POU6F2: variants seen among roughly 807,000 people sequenced by gnomAD.
The protein encoded by POU6F2 is POU domain, class 6, transcription factor 2.
A neutral mutation model predicts 71.3 loss-of-function variants in POU6F2; 31 were observed. The observed-to-expected ratio is 0.43, with a 90% CI of 0.33 to 0.59. The LOEUF is 0.59. Ranked by LOEUF, POU6F2 falls within the 20% of genes least tolerant of loss-of-function variation. POU6F2 has a pLI of 0.04. For synonymous variants in POU6F2, 347 were observed against 355.7 expected (o/e 0.98, Z 0.27); for missense variants, 783 against 856.8 (o/e 0.91, Z 1.07).
Position 39,261,090 on chromosome 7 carries a change from CA to C in POU6F2, c.598+53471del, listed in dbSNP as rs1184188870. 1.7e-3 allele frequency among the ~76,000 whole-genome samples: 258 copies of C among 151,790 alleles called. 1 individual carries two copies. The highest frequency in any genetic ancestry group is 5.1e-3 in the African/African-American group (211 of 41,354). On this transcript the variant is annotated intron_variant, in intron 4 of 9. Transcript: ENST00000518318. ...GCACACACACACACACACACACACA[CA>C]CCCCACGCCACAGATCTGTCTCCTG... is the stretch of plus-strand genomic sequence containing the variant.
intron 1 of POU6F2, chr7:39,006,940 A>G (rs1205316837): frequency 6.9e-7 from 1 of 1,449,976 alleles, no homozygotes; most frequent in African/African-American, 1.4e-5. Flanking sequence ...AGTTTATTGT[A>G]TAAAATCGGA....
At chr7:39,186,849 G>GC (rs956071316) in intron 2 of POU6F2, among the ~76,000 whole-genome samples, 51 of 152,162 alleles carry the variant, frequency 3.4e-4, no homozygotes, top group African/African-American at 1.1e-3. Context: ...GCTCTACCCT[G>GC]CCCCCAGGCA....
chr7:39,318,098 T>C (rs1409537651), intron 4 of POU6F2, among the ~76,000 whole-genome samples: 1 of 152,184 alleles, frequency 6.6e-6, no homozygotes, highest in African/African-American at 2.4e-5. Context: ...GGTTTGTAAA[T>C]ACTTCCAAAG....
intron 4 of POU6F2, among the ~76,000 whole-genome samples, chr7:39,288,095 T>TA (rs1249807850): frequency 2.0e-5 from 3 of 152,212 alleles, no homozygotes; most frequent in Non-Finnish European, 2.9e-5. Context: ...TTTTAAACAC[T>TA]AAAAAATAAT....
chr7:39,143,709 G>A (rs1374172407), intron 2 of POU6F2, among the ~76,000 whole-genome samples: 1 of 152,128 alleles, frequency 6.6e-6, no homozygotes, highest in Non-Finnish European at 1.5e-5. Context: ...GCAAGTTTGG[G>A]CCCATTGCAG....
intron 6 of POU6F2, among the ~76,000 whole-genome samples, chr7:39,418,689 C>CAA (rs1432505687): frequency 1.7e-5 from 2 of 119,184 alleles, no homozygotes; most frequent in South Asian, 2.6e-4. Context: ...GACTCTGTCT[C>CAA]AAAAAAAAAA....
chr7:39,356,710 G>C (rs1786268168), intron 5 of POU6F2, among the ~76,000 whole-genome samples: 1 of 152,134 alleles, frequency 6.6e-6, no homozygotes, highest in Non-Finnish European at 1.5e-5. Context: ...AAAATTTCTT[G>C]ACGAAGATAA....
intron 2 of POU6F2, among the ~76,000 whole-genome samples, chr7:39,114,223 G>A (rs945230066): frequency 3.9e-5 from 6 of 152,130 alleles, no homozygotes; most frequent in African/African-American, 1.4e-4. Context: ...ATTGTTAACA[G>A]CCATGTGATG....
intron 8 of POU6F2, among the ~76,000 whole-genome samples, chr7:39,457,335 G>A (rs554119056): frequency 2.6e-5 from 4 of 152,126 alleles, no homozygotes; most frequent in African/African-American, 7.2e-5. Context: ...ACTGAATCTC[G>A]CTGATCTAGA....
chr7:39,175,088 C>T (rs1793302427), intron 2 of POU6F2, among the ~76,000 whole-genome samples: 1 of 151,950 alleles, frequency 6.6e-6, no homozygotes. Context: ...TGTGTGTGTT[C>T]ACCTACCTCT....
At chr7:39,417,149 ATC>A (rs756438003) in intron 6 of POU6F2, among the ~76,000 whole-genome samples, 61 of 152,258 alleles carry the variant, frequency 4.0e-4, no homozygotes, top group Admixed American at 5.2e-4. Context: ...GATGAGCATT[ATC>A]GGAGAGGAGA....
chr7:39,143,114 A>T (rs1371439604), intron 2 of POU6F2, among the ~76,000 whole-genome samples: 1 of 152,174 alleles, frequency 6.6e-6, no homozygotes, highest in African/African-American at 2.4e-5. Context: ...TGGCATAGAG[A>T]AGTACATGCA....
chr7:39,413,900 G>A (rs991038974), intron 6 of POU6F2, among the ~76,000 whole-genome samples: 1 of 152,128 alleles, frequency 6.6e-6, no homozygotes, highest in Non-Finnish European at 1.5e-5. Flanking sequence ...CATTAATGCC[G>A]TTTTTCCCTA....
At chr7:39,099,228 G>T (rs568091881) in intron 2 of POU6F2, among the ~76,000 whole-genome samples, 2 of 152,306 alleles carry the variant, frequency 1.3e-5, no homozygotes, top group South Asian at 4.1e-4. Flanking sequence ...AAATAATAGC[G>T]ATTTTAAAAA....
At position 39,294,984 on chromosome 7, in the gene POU6F2, G is replaced by A. The variant is rs180941426; in HGVS notation, c.599-44658G>A. On this transcript the variant is annotated intron_variant, in intron 4 of 9. Coordinates refer to ENST00000518318, the MANE Select transcript of POU6F2 (RefSeq NM_001370959.1). ...TGGGGGAATGATCATTTCATTTGGC[G>A]AATGAAACAGGAATTCCACAATACT... Among the ~76,000 whole-genome samples, 486 of 152,220 alleles carry A rather than the reference G, an allele frequency of 3.2e-3. 4 individuals are homozygous for A. The highest frequency in any genetic ancestry group is 0.014 in the Middle Eastern group (4 of 294).
intron 4 of POU6F2, among the ~76,000 whole-genome samples, chr7:39,233,881 GGTT>G (rs1214260886): frequency 1.3e-5 from 2 of 152,160 alleles, no homozygotes; most frequent in Non-Finnish European, 2.9e-5. Flanking sequence ...CCGGGCTTCT[GGTT>G]GTGAAATCAG....
At chr7:39,045,234 G>A (rs1239180416) in intron 1 of POU6F2, among the ~76,000 whole-genome samples, 1 of 151,916 alleles carries the variant, frequency 6.6e-6, no homozygotes, top group Non-Finnish European at 1.5e-5. Flanking sequence ...GAAATTATCA[G>A]CACCTTAGTC....
intron 4 of POU6F2, among the ~76,000 whole-genome samples, chr7:39,322,294 G>A (rs1252627090): frequency 3.3e-5 from 5 of 152,264 alleles, no homozygotes; most frequent in East Asian, 3.9e-4. Context: ...TGGCCCTTCC[G>A]CCGCCTGCTC....
intron 4 of POU6F2, among the ~76,000 whole-genome samples, chr7:39,247,409 C>T (rs1033319479): frequency 1.3e-5 from 2 of 151,994 alleles, no homozygotes; most frequent in Non-Finnish European, 2.9e-5. Flanking sequence ...CAAGATCTCA[C>T]CTCTGCACTC....
Sources: allele counts gnomAD v4.1 joint callset (sites outside exome capture counted in the v4.1 genomes callset), GRCh38; gene constraint gnomAD v4.1.1; transcripts MANE v1.5; gene names NCBI Gene and HGNC (gene_info 2026-07-23, HGNC 2026-07-21).